RBPJ: variants seen among roughly 807,000 people sequenced by gnomAD.
The protein encoded by RBPJ is recombination signal binding protein for immunoglobulin kappa J region.
A neutral mutation model predicts 67.8 loss-of-function variants in RBPJ; 9 were observed. That is an observed-to-expected ratio of 0.13 (90% CI 0.08 to 0.23). The LOEUF (loss-of-function observed/expected upper bound fraction) is 0.23, where lower values mean the gene tolerates loss of function less well. Among genes scored for constraint, RBPJ ranks in the 10% least tolerant of loss-of-function variants. The pLI is 1.00. For missense variants in RBPJ, 305 were observed against 595.6 expected, an observed-to-expected ratio of 0.51 and a Z score of 5.08; for synonymous variants, 198 against 203.3, an observed-to-expected ratio of 0.97 and a Z score of 0.22.
intron 1 of RBPJ, among the ~76,000 whole-genome samples, chr4:26,309,567 G>T (rs566735884): frequency 6.6e-6 from 1 of 152,156 alleles, no homozygotes; most frequent in East Asian, 1.9e-4. Context: ...TCAAAGTTGG[G>T]CATTTGGTTT....
chr4:26,429,778 A>T, intron 8 of RBPJ, 120 bp from the exon 9 acceptor site: 1 of 802,678 alleles, frequency 1.2e-6, no homozygotes. Context: ...TAGAAAGTTT[A>T]TAAGTTTTTA....
intron 1 of RBPJ, among the ~76,000 whole-genome samples, chr4:26,323,914 A>C (rs937130358): frequency 2.6e-4 from 40 of 152,080 alleles, no homozygotes; most frequent in African/African-American, 9.4e-4. Flanking sequence ...TTAAAGCATT[A>C]TTTTGCATTT....
intron 1 of RBPJ, among the ~76,000 whole-genome samples, chr4:26,333,436 A>G (rs907322691): frequency 3.3e-5 from 5 of 152,176 alleles, no homozygotes; most frequent in Non-Finnish European, 7.3e-5. Context: ...CAGGAAATAA[A>G]CTTATTTTTA....
chr4:26,244,157 GTA>G (rs369158366), intron 1 of RBPJ, among the ~76,000 whole-genome samples: 4,916 of 146,964 alleles, frequency 0.033, 318 homozygotes, highest in African/African-American at 0.1. Context: ...ACACATATAT[GTA>G]TATATATATG....
At chr4:26,308,092 T>C (rs1722295682) in intron 1 of RBPJ, among the ~76,000 whole-genome samples, 1 of 152,092 alleles carries the variant, frequency 6.6e-6, no homozygotes, top group Admixed American at 6.5e-5. Flanking sequence ...CTGGCTAACA[T>C]GGTGAAACCC....
the RBPJ span, among the ~76,000 whole-genome samples, chr4:26,136,487 C>A: frequency 6.6e-6 from 1 of 152,180 alleles, no homozygotes. Flanking sequence ...GACCCAGAAG[C>A]AAGAGACTGC....
Position 26,391,527 on chromosome 4 carries a change from C to T in RBPJ, c.59+5136C>T, listed in dbSNP as rs149527896. On this transcript the variant is annotated intron_variant, in intron 2 of 10. Transcript: ENST00000355476. ...TATTAAAAAAATAGCTCAATGTAGA[C>T]CTAAATGTAAAACTTTAAAGTATAC... Among the ~76,000 whole-genome samples the T allele has an allele frequency of 2.3e-3, 349 of 151,848 alleles. 2 individuals are homozygous for T. In the South Asian group the frequency reaches 0.028, roughly 12 times the overall value.
At chr4:26,276,082 CTGGCCAACA>C (rs1457473065) in intron 1 of RBPJ, among the ~76,000 whole-genome samples, 4 of 150,874 alleles carry the variant, frequency 2.7e-5, no homozygotes, top group African/African-American at 9.7e-5. Flanking sequence ...TGAGACCAGC[CTGGCCAACA>C]TGGTGAAACC....
intron 3 of RBPJ, among the ~76,000 whole-genome samples, chr4:26,406,890 A>C (rs2109747081): frequency 6.6e-6 from 1 of 152,334 alleles, no homozygotes; most frequent in South Asian, 2.1e-4. Flanking sequence ...GTAAGAACTG[A>C]TAGTTGATAG....
At position 26,424,984 on chromosome 4, in the gene RBPJ, C is replaced by T. The variant is rs1282693109; in HGVS notation, c.747+241C>T. 1 of 444,918 alleles carries T rather than the reference C, an allele frequency of 2.2e-6. No homozygotes were observed. Among genetic ancestry groups the T allele is most frequent in the Non-Finnish European group, 3.9e-6 (1 of 255,072 alleles). 27.6% of individuals were successfully genotyped at this position (444,918 alleles called of 1,614,324 possible). ...TTAATGATTTTTTCTTAAATGATTT[C>T]CAATATATTTTGGTGGCAATTTCCT... On this transcript the variant is annotated intron_variant, in intron 7 of 10. Transcript: ENST00000355476. This position sits in a 1 kb window ranked among gnomAD's most constrained non-coding sequence, Gnocchi z 5.3.
chr4:26,343,871 C>T (rs1322252696), intron 1 of RBPJ, among the ~76,000 whole-genome samples: 2 of 151,494 alleles, frequency 1.3e-5, no homozygotes, highest in African/African-American at 4.9e-5. Context: ...CTGCCTCAGC[C>T]TCCCAGCTAG....
At position 26,215,253 on chromosome 4, in the gene RBPJ, AAG is replaced by A. The variant is rs1439506373; in HGVS notation, c.-167+51641_-167+51642del. ...AAAGAGAGAAAGAAAGAAAGTAAGA[AAG>A]AAAGGAAGGGAGGGAGGAAAAAGAG... On this transcript the variant is annotated intron_variant, in intron 1 of 4. Coordinates refer to the RBPJ transcript ENST00000512351. Among the ~76,000 whole-genome samples the A allele has an allele frequency of 2.0e-3, 27 of 13,832 alleles. 1 individual carries two copies. In the East Asian group the frequency reaches 0.045, roughly 23 times the overall value. 9.1% of individuals were successfully genotyped at this position (13,832 alleles called of 152,430 possible).
At position 26,434,191 on chromosome 4, in the gene RBPJ, A is replaced by C. The variant is rs750571553; in HGVS notation, c.*3184A>C. 2 of 152,246 alleles carry C rather than the reference A, an allele frequency of 1.3e-5. No homozygotes were observed. The highest frequency in any genetic ancestry group is 1.3e-4 in the Admixed American group (2 of 15,286). 9.4% of individuals were successfully genotyped at this position (152,246 alleles called of 1,614,324 possible). A position where few individuals can be genotyped will look rare whatever the true frequency, so the allele number is the denominator to read the frequency against. On this transcript the variant is annotated 3_prime_UTR_variant, in exon 11 of 11. Coordinates refer to ENST00000355476, the MANE Select transcript of RBPJ (RefSeq NM_015874.6). ...GTGGCAATTAAAGGCATGTTTATAC[A>C]TGACTTAATCGTGAAATGTTTGTCA... is the stretch of plus-strand genomic sequence containing the variant.
intron 5 of RBPJ, among the ~76,000 whole-genome samples, chr4:26,421,702 C>A (rs533410896): frequency 1.3e-5 from 2 of 152,138 alleles, no homozygotes; most frequent in Non-Finnish European, 2.9e-5. Context: ...AACACCTCTT[C>A]GTCTTCTAAT....
In RBPJ at chr4:26,391,388, A is replaced by AT. The variant is rs1055257494; in HGVS notation, c.59+5006dup. Among the ~76,000 whole-genome samples, 23 of 151,862 alleles carry AT rather than the reference A, an allele frequency of 1.5e-4. 1 individual carries two copies. Among genetic ancestry groups the AT allele is most frequent in the South Asian group, 6.3e-4 (3 of 4,796 alleles). On this transcript the variant is annotated intron_variant, in intron 2 of 10. Coordinates refer to ENST00000355476, the MANE Select transcript of RBPJ (RefSeq NM_015874.6). ...CAAGGTGCGAAGGCAATTTAGCTAG[A>AT]TTTTTTTTTAAATGGTAGTCTTTCT...
chr4:26,223,391 A>G (rs971690464), intron 1 of RBPJ, among the ~76,000 whole-genome samples: 1 of 152,200 alleles, frequency 6.6e-6, no homozygotes, highest in Non-Finnish European at 1.5e-5. Context: ...AATCATGCAT[A>G]TGGGTGCTCA....
chr4:26,251,428 GA>G (rs1720104614), intron 1 of RBPJ, among the ~76,000 whole-genome samples: 1 of 152,054 alleles, frequency 6.6e-6, no homozygotes, highest in Non-Finnish European at 1.5e-5. Context: ...TTGAGGCCAG[GA>G]GTTCAAGACC....
chr4:26,318,755 T>C (rs1722751825), upstream of RBPJ, among the ~76,000 whole-genome samples: 2 of 151,362 alleles, frequency 1.3e-5, no homozygotes, highest in South Asian at 2.1e-4. Context: ...TCCCAGCACT[T>C]TGGGAGGCCG....
chr4:26,135,394 C>T, the RBPJ span, among the ~76,000 whole-genome samples: 1 of 152,142 alleles, frequency 6.6e-6, no homozygotes, highest in Middle Eastern at 3.4e-3. Flanking sequence ...TGATTTATGG[C>T]TACTTTGATA....
Sources: allele counts gnomAD v4.1 joint callset (sites outside exome capture counted in the v4.1 genomes callset), GRCh38; gene constraint gnomAD v4.1.1; non-coding constraint Gnocchi (gnomAD v3.1); transcripts MANE v1.5; gene names NCBI Gene and HGNC (gene_info 2026-07-23, HGNC 2026-07-21).